Variants in COL14A1 observed in about 807,000 individuals in gnomAD.
The protein encoded by COL14A1 is collagen alpha-1(XIV) chain.
A neutral mutation model predicts 230.3 loss-of-function variants in COL14A1; 136 were observed. The observed-to-expected ratio is 0.59, with a 90% CI of 0.51 to 0.68. The LOEUF is 0.68. Ranked by LOEUF, COL14A1 falls within the 30% of genes least tolerant of loss-of-function variation. The pLI is 0.00. For missense variants in COL14A1, 1,976 were observed against 2,215.8 expected, an observed-to-expected ratio of 0.89 and a Z score of 2.17; for synonymous variants, 792 against 784.1, an observed-to-expected ratio of 1.01 and a Z score of -0.17.
chr8:120,202,336 A>G (rs1353798352), intron 8 of COL14A1, among the ~76,000 whole-genome samples: 1 of 152,202 alleles, frequency 6.6e-6, no homozygotes, highest in Non-Finnish European at 1.5e-5. Context: ...AGAGACAACT[A>G]ATGCTTTGTT....
rs536797882 is a variant in COL14A1, at chr8:120,229,798, G to A, written c.2197+1029G>A. ...GTTGTTTCCTGACTTTTTAATGATT[G>A]CCATTCTAACTGGTGTGAGATGGTA... On this transcript the variant is annotated intron_variant, in intron 18 of 47. Coordinates refer to ENST00000297848, the MANE Select transcript of COL14A1 (RefSeq NM_021110.4). Among the ~76,000 whole-genome samples, 23 of 152,274 alleles carry A rather than the reference G, an allele frequency of 1.5e-4. No individual in the cohort carries two copies. In the South Asian group the frequency reaches 4.6e-3, roughly 30 times the overall value.
intron 20 of COL14A1, among the ~76,000 whole-genome samples, chr8:120,247,207 A>C (rs923935060): frequency 6.6e-6 from 1 of 152,204 alleles, no homozygotes; most frequent in African/African-American, 2.4e-5. Flanking sequence ...ATGGATCACA[A>C]GGTCAGGAGA....
chr8:120,334,051 T>C (rs1323362633), intron 42 of COL14A1, among the ~76,000 whole-genome samples: 5 of 152,236 alleles, frequency 3.3e-5, no homozygotes, highest in African/African-American at 9.6e-5. Context: ...GCAAAGAAGT[T>C]TGAAGGGCCT....
chr8:120,140,562 G>T (rs1814869688), intron 1 of COL14A1, among the ~76,000 whole-genome samples: 2 of 151,956 alleles, frequency 1.3e-5, no homozygotes, highest in South Asian at 4.2e-4. Flanking sequence ...TTAAGTTTAT[G>T]GTTTATTTTT....
chr8:120,336,944 G>A (rs1179607649), intron 42 of COL14A1, among the ~76,000 whole-genome samples: 1 of 152,138 alleles, frequency 6.6e-6, no homozygotes, highest in African/African-American at 2.4e-5. Flanking sequence ...CCCTTCGCAG[G>A]CTGTTAGGTA....
intron 17 of COL14A1, among the ~76,000 whole-genome samples, chr8:120,228,296 T>C (rs11991655): frequency 0.01 from 1,558 of 152,298 alleles, 31 homozygotes; most frequent in African/African-American, 0.036. Flanking sequence ...CTGTAAGAAA[T>C]AGAAGATGCA....
At chr8:120,262,177 A>G (rs908453588) in intron 23 of COL14A1, among the ~76,000 whole-genome samples, 1 of 152,094 alleles carries the variant, frequency 6.6e-6, no homozygotes, top group African/African-American at 2.4e-5. Flanking sequence ...GGGAGTTCAG[A>G]TTTAAAAAAA....
intron 8 of COL14A1, among the ~76,000 whole-genome samples, chr8:120,201,392 C>G (rs1817244010): frequency 6.6e-6 from 1 of 152,014 alleles, no homozygotes; most frequent in South Asian, 2.1e-4. Flanking sequence ...AAGTCTGCAT[C>G]CTGTGACCTC....
rs1371704696 is a variant in COL14A1 at position 120,128,228 on chromosome 8, C to CGCGTGTGTGTGT, written c.-38+2889_-38+2890insCGTGTGTGTGTG. On this transcript the variant is annotated intron_variant, in intron 1 of 47. Transcript: ENST00000297848. ...ACGTGTGTGTGTGTGTGTGCGCGCG[C>CGCGTGTGTGTGT]GTGTGTGTGTGTGTGTGTGTGTGTG... Among the ~76,000 whole-genome samples, 8 of 146,786 alleles carry CGCGTGTGTGTGT rather than the reference C, an allele frequency of 5.5e-5. 1 individual carries two copies. In the South Asian group the frequency reaches 1.1e-3, roughly 20 times the overall value.
At chr8:120,155,509 GGAATCCT>G (rs959367198) in intron 2 of COL14A1, among the ~76,000 whole-genome samples, 1 of 152,120 alleles carries the variant, frequency 6.6e-6, no homozygotes, top group African/African-American at 2.4e-5. Context: ...TTTTAACCTA[GGAATCCT>G]GAATGTTGTT....
At chr8:120,160,891 T>C (rs1815644129) in intron 3 of COL14A1, among the ~76,000 whole-genome samples, 1 of 152,180 alleles carries the variant, frequency 6.6e-6, no homozygotes, top group South Asian at 2.1e-4. Context: ...TAAAGCTTTT[T>C]TTGTTTGTTT....
chr8:120,158,034 T>G (rs1815538294), intron 2 of COL14A1, 96 bp from the exon 3 acceptor site: 5 of 654,062 alleles, frequency 7.6e-6, no homozygotes, highest in Non-Finnish European at 1.3e-5. Flanking sequence ...TGAAGTCTTT[T>G]GTGTGTATTT....
intron 1 of COL14A1, among the ~76,000 whole-genome samples, chr8:120,144,451 G>A (rs774376029): frequency 6.6e-6 from 1 of 151,926 alleles, no homozygotes; most frequent in Non-Finnish European, 1.5e-5. Flanking sequence ...GATGAAATAC[G>A]GACATTCCAA....
chr8:120,280,085 A>T lies in COL14A1; in HGVS notation c.3632A>T (p.Glu1211Val). ...GATGAGTTAATTACTTTTGTCTGCGAAACAGCATCAGCAAGTTAGTTCTTT... is the reference window on the plus strand; with the variant it reads ...GATGAGTTAATTACTTTTGTCTGCGTAACAGCATCAGCAAGTTAGTTCTTT... ...IEDELITFVC[E>V]TASATCPVVH... Residue 1211 changes from glutamate to valine, a missense_variant, in exon 29 of 48, where the codon GAA becomes GTA. By Grantham distance (121) the Glu-to-Val change is moderately radical. Transcript: ENST00000297848. The T allele has an allele frequency of 1.2e-6, 2 of 1,613,732 alleles. No individual in the cohort carries two copies. Among genetic ancestry groups the T allele is most frequent in the Non-Finnish European group, 1.7e-6 (2 of 1,179,740 alleles).
At chr8:120,331,954 A>G (rs1257908846) in intron 40 of COL14A1, among the ~76,000 whole-genome samples, 187 bp from the exon 41 acceptor site, 1 of 152,230 alleles carries the variant, frequency 6.6e-6, no homozygotes, top group East Asian at 1.9e-4. Context: ...GGACAATTTA[A>G]TGGAGCCAAC....
chr8:120,156,899 T>C (rs1449076799), intron 2 of COL14A1, among the ~76,000 whole-genome samples: 1 of 152,188 alleles, frequency 6.6e-6, no homozygotes, highest in Non-Finnish European at 1.5e-5. Context: ...CCCATGCCTA[T>C]GTAGGAGAAT....
At chr8:120,193,570 T>C (rs1309064805) in intron 5 of COL14A1, among the ~76,000 whole-genome samples, 1 of 152,200 alleles carries the variant, frequency 6.6e-6, no homozygotes, top group East Asian at 1.9e-4. Flanking sequence ...ACCACTGCTC[T>C]CTTCAAAGCT....
At chr8:120,157,251 A>G (rs1302041258) in intron 2 of COL14A1, among the ~76,000 whole-genome samples, 1 of 152,120 alleles carries the variant, frequency 6.6e-6, no homozygotes, top group Admixed American at 6.6e-5. Context: ...ATCCTTGAAA[A>G]CTGGATCCAA....
chr8:120,168,516 A>G (rs1442554473), intron 5 of COL14A1, among the ~76,000 whole-genome samples: 1 of 152,032 alleles, frequency 6.6e-6, no homozygotes, highest in African/African-American at 2.4e-5. Context: ...TCACTTGGAA[A>G]CCTTTACATG....
Sources: gnomAD v4.1 joint callset for allele counts (sites outside exome capture counted in the v4.1 genomes callset) on GRCh38, gnomAD v4.1.1 for gene constraint, MANE v1.5 for transcripts, NCBI Gene and HGNC (gene_info 2026-07-23, HGNC 2026-07-21) for gene names.